Variants in ESCO1 observed in about 807,000 individuals in gnomAD.
ESCO1 encodes the protein N-acetyltransferase ESCO1.
A neutral mutation model predicts 83.5 loss-of-function variants in ESCO1; 33 were observed. The ratio of observed to expected loss-of-function variants is 0.40; its 90% CI spans 0.30 to 0.53. The LOEUF is 0.53. Among genes scored for constraint, ESCO1 ranks in the 20% least tolerant of loss-of-function variants. ESCO1 has a pLI of 0.63. For missense variants in ESCO1, 855 were observed against 968.0 expected, an observed-to-expected ratio of 0.88 and a Z score of 1.55; for synonymous variants, 332 against 324.3, an observed-to-expected ratio of 1.02 and a Z score of -0.25.
intron 8 of ESCO1, among the ~76,000 whole-genome samples, chr18:21,552,075 G>A (rs899170230): frequency 6.6e-6 from 1 of 152,150 alleles, no homozygotes; most frequent in East Asian, 1.9e-4. Flanking sequence ...CAGATTCAAT[G>A]CAATCCTAAT....
intron 8 of ESCO1, among the ~76,000 whole-genome samples, chr18:21,554,677 A>T (rs2038089915): frequency 6.6e-6 from 1 of 152,130 alleles, no homozygotes; most frequent in Non-Finnish European, 1.5e-5. Flanking sequence ...TGGGAGACGG[A>T]GGGGGCAGAT....
chr18:21,563,846 T>G (rs1173399789), intron 7 of ESCO1, among the ~76,000 whole-genome samples: 4 of 152,088 alleles, frequency 2.6e-5, no homozygotes. Context: ...TGAGATATGT[T>G]TGCGTCTTAG....
intron 7 of ESCO1, among the ~76,000 whole-genome samples, chr18:21,561,796 G>A (rs2038189527): frequency 6.6e-6 from 1 of 151,978 alleles, no homozygotes; most frequent in Non-Finnish European, 1.5e-5. Flanking sequence ...GTCTAGAACT[G>A]AGCTCAAGCG....
chr18:21,577,085 T>G (rs1488871954), intron 2 of ESCO1, among the ~76,000 whole-genome samples: 1 of 150,260 alleles, frequency 6.7e-6, no homozygotes, highest in African/African-American at 2.5e-5. Flanking sequence ...CCGGGCACAA[T>G]GGCTCAGGCC....
intron 11 of ESCO1, 29 bp from the exon 12 acceptor site, chr18:21,530,519 G>T: frequency 3.6e-6 from 5 of 1,394,430 alleles, no homozygotes; most frequent in South Asian, 1.3e-5. Context: ...GGGGGGGAAG[G>T]GTTAAGTGTG....
At chr18:21,581,795 A>C (rs185654001) in intron 2 of ESCO1, among the ~76,000 whole-genome samples, 1 of 152,186 alleles carries the variant, frequency 6.6e-6, no homozygotes, top group Non-Finnish European at 1.5e-5. Context: ...AAGCAGGAGG[A>C]TTGCTTGAGC....
intron 8 of ESCO1, among the ~76,000 whole-genome samples, chr18:21,552,400 G>A (rs1242691835): frequency 1.3e-5 from 2 of 152,190 alleles, no homozygotes; most frequent in Admixed American, 1.3e-4. Context: ...GTGACAGTGA[G>A]TTCTCACAAA....
intron 6 of ESCO1, 151 bp downstream of exon 6, chr18:21,565,995 A>G (rs1188133966): frequency 3.5e-6 from 2 of 575,812 alleles, no homozygotes; most frequent in Admixed American, 6.5e-5. Context: ...TCCATAGTAA[A>G]CAGTATGTAT....
chr18:21,562,875 T>C lies in ESCO1; in HGVS notation c.1821+1328A>G, dbSNP rs954208642. The stretch of plus-strand genomic sequence containing the variant: ...TTATACATTAAGTTCCATGTTATTA[T>C]TTTTTTTTTTTTTGAGATGGAGTAT... On this transcript the variant is annotated intron_variant, in intron 7 of 11. Coordinates refer to ENST00000269214, the MANE Select transcript of ESCO1 (RefSeq NM_052911.3). Among the ~76,000 whole-genome samples, 9 of 137,320 alleles carry C rather than the reference T, an allele frequency of 6.6e-5. 1 individual carries two copies. Among genetic ancestry groups the C allele is most frequent in the Admixed American group, 4.3e-4 (5 of 11,592 alleles). 90.1% of individuals were successfully genotyped at this position (137,320 alleles called of 152,430 possible).
At position 21,579,800 on chromosome 18, in the gene ESCO1, A is replaced by ATG. The variant is rs1568109900; in HGVS notation, c.-693-4024_-693-4023insCA. On this transcript the variant is annotated intron_variant, in intron 2 of 11. Transcript: ENST00000269214. ...CACACACACACGCGCGCGCGCACAC[A>ATG]CACACACACACACACACACACACAC... Among the ~76,000 whole-genome samples, 13 of 36,794 alleles carry ATG rather than the reference A, an allele frequency of 3.5e-4. 1 individual carries two copies. The highest frequency in any genetic ancestry group is 6.9e-4 in the African/African-American group (11 of 15,994). The allele number at this position is 36,794 out of a possible 152,430, so 24.1% of individuals were successfully genotyped here. A position where few individuals can be genotyped will look rare whatever the true frequency, so the allele number is the denominator to read the frequency against.
chr18:21,598,360 T>C (rs1349011773), intron 1 of ESCO1, among the ~76,000 whole-genome samples: 1 of 152,222 alleles, frequency 6.6e-6, no homozygotes, highest in African/African-American at 2.4e-5. Context: ...CTGTGAAGCA[T>C]AATTTATCAA....
intron 2 of ESCO1, among the ~76,000 whole-genome samples, chr18:21,578,528 T>C (rs1410675781): frequency 2.6e-5 from 4 of 151,902 alleles, no homozygotes; most frequent in Non-Finnish European, 5.9e-5. Context: ...CAAGAAATTT[T>C]CCTAGACCTG....
chr18:21,590,314 C>T (rs1217135428), intron 1 of ESCO1, among the ~76,000 whole-genome samples: 1 of 151,682 alleles, frequency 6.6e-6, no homozygotes, highest in African/African-American at 2.4e-5. Context: ...CTCCGCCTCC[C>T]CGGTTCAAGC....
At chr18:21,538,287 TAAAAAAA>T (rs34369531) in intron 9 of ESCO1, among the ~76,000 whole-genome samples, 3 of 124,722 alleles carry the variant, frequency 2.4e-5, no homozygotes, top group East Asian at 2.3e-4. Context: ...CCCTGTCTCT[TAAAAAAA>T]AAAAAAAAAA....
chr18:21,569,540 G>A (rs1489397727), intron 4 of ESCO1, among the ~76,000 whole-genome samples: 1 of 152,246 alleles, frequency 6.6e-6, no homozygotes, highest in Non-Finnish European at 1.5e-5. Context: ...GAGGTCAGGA[G>A]TTCCAGGCCA....
At chr18:21,540,774 A>G in intron 8 of ESCO1, 1 of 1,138,614 alleles carries the variant, frequency 8.8e-7, no homozygotes, top group Non-Finnish European at 1.1e-6. Context: ...GGTTAAAACT[A>G]GGAGCTTTGA....
intron 1 of ESCO1, among the ~76,000 whole-genome samples, chr18:21,586,876 T>G (rs752443304): frequency 5.9e-5 from 9 of 152,198 alleles, no homozygotes; most frequent in Non-Finnish European, 1.0e-4. Flanking sequence ...TGCATACTGT[T>G]AGGTATGATG....
chr18:21,593,719 G>T (rs2038719878), intron 1 of ESCO1, among the ~76,000 whole-genome samples: 1 of 151,422 alleles, frequency 6.6e-6, no homozygotes, highest in African/African-American at 2.4e-5. Context: ...AAAGGAACAA[G>T]AGAGAAGTAC....
Position 21,573,763 on chromosome 18 carries a change from G to C in ESCO1, c.1081C>G (p.Gln361Glu). ...CTACTTGGGAAAAAACGATTACATT[G>C]CACATCCTGATTTGTTTCCTTCTGA... is the stretch of plus-strand genomic sequence containing the variant. ...LHQKETNQDV[Q>E]CNRFFPSRKT... The change falls in exon 4 of 12, where the codon CAA becomes GAA. Residue 361 changes from glutamine (Q) to glutamate (E), a missense_variant. This residue lies in a region of ESCO1 where 726 missense variants were observed against 699.5 expected (regional missense o/e 1.04). Transcript: ENST00000269214. 1 of 1,614,074 alleles carries C rather than the reference G, an allele frequency of 6.2e-7. No individual in the cohort carries two copies. Among genetic ancestry groups the C allele is most frequent in the Non-Finnish European group, 8.5e-7 (1 of 1,180,000 alleles).
Sources: allele counts gnomAD v4.1 joint callset (sites outside exome capture counted in the v4.1 genomes callset), GRCh38; gene constraint gnomAD v4.1.1; regional missense constraint gnomAD v4.1.1; transcripts MANE v1.5; gene names NCBI Gene and HGNC (gene_info 2026-07-23, HGNC 2026-07-21).